Variants in NCOR1 observed in about 807,000 individuals in gnomAD.
NCOR1 encodes protein phosphatase 1, regulatory subunit 109.
In NCOR1, 63 loss-of-function variants were observed where a neutral mutation model predicts 288.1. The observed-to-expected ratio is 0.22, with a 90% confidence interval of 0.18 to 0.27. The LOEUF (loss-of-function observed/expected upper bound fraction) is 0.27. Among genes scored for constraint, NCOR1 ranks in the 10% least tolerant of loss-of-function variants. The probability of loss-of-function intolerance (pLI) is 1.00; values close to 1 mark genes in which losing one functional copy is unlikely to be tolerated. For missense variants in NCOR1, 2,397 were observed against 3,019.2 expected, an observed-to-expected ratio of 0.79 and a Z score of 4.83; for synonymous variants, 1,007 against 1,065.9, an observed-to-expected ratio of 0.94 and a Z score of 1.08.
At position 16,127,411 on chromosome 17, in the gene NCOR1, GTATATATACATGTGTATATGTGTATGTA is replaced by G. The variant is rs2074591508; in HGVS notation, c.1510-1233_1510-1206del. The stretch of plus-strand genomic sequence containing the variant: ...TATATATACATGTGTATATGTGTAT[GTATATATACATGTGTATATGTGTATGTA>G]TATATGTGTATATGTATATATACGT... On this transcript the variant is annotated intron_variant, in intron 14 of 45. Transcript: ENST00000268712. Among the ~76,000 whole-genome samples, 7 of 92,216 alleles carry G rather than the reference GTATATATACATGTGTATATGTGTATGTA, an allele frequency of 7.6e-5. 2 individuals carry two copies. The highest frequency in any genetic ancestry group is 2.6e-4 in the African/African-American group (5 of 19,116). The allele number at this position is 92,216 out of a possible 152,430, so 60.5% of individuals were successfully genotyped here. A position where few individuals can be genotyped will look rare whatever the true frequency, so the allele number is the denominator to read the frequency against.
chr17:16,203,554 T>C (rs1340417078), intron 1 of NCOR1, among the ~76,000 whole-genome samples: 2 of 152,232 alleles, frequency 1.3e-5, no homozygotes, highest in African/African-American at 2.4e-5. Context: ...CAAGTTACTC[T>C]CAATCACATC....
chr17:16,186,771 G>A (rs933829285), intron 2 of NCOR1, 84 bp from the exon 3 acceptor site: 1 of 1,214,872 alleles, frequency 8.2e-7, no homozygotes, highest in Non-Finnish European at 1.2e-6. Flanking sequence ...AGGTAGTTAT[G>A]GGCCACTAAG....
At position 16,101,334 on chromosome 17, in the gene NCOR1, T is replaced by C; in HGVS notation, c.2606A>G (p.Gln869Arg). The part of the protein sequence containing the change: ...DLVVAQQINA[Q>R]RPEPQSDNDS... ...ATTGTCTGACTGGGGCTCGGGCCTT[T>C]GGGCATTTATTTGCTGAGCTACCAC... The change falls in exon 20 of 46, where the codon CAA becomes CGA. Residue 869 changes from glutamine to arginine, a missense_variant. Gln to Arg is a conservative substitution (Grantham distance 43, BLOSUM62 1). This residue lies in a region of NCOR1 where 1,872 missense variants were observed against 2,187.8 expected (regional missense o/e 0.86). Coordinates refer to ENST00000268712, the MANE Select transcript of NCOR1 (RefSeq NM_006311.4). 1.9e-6 allele frequency: 3 copies of C among 1,614,178 alleles called. No homozygotes were observed. Among genetic ancestry groups the C allele is most frequent in the Non-Finnish European group, 2.5e-6 (3 of 1,180,026 alleles).
intron 27 of NCOR1, among the ~76,000 whole-genome samples, chr17:16,074,509 CA>C: frequency 6.6e-6 from 1 of 152,176 alleles, no homozygotes; most frequent in South Asian, 2.1e-4. Context: ...TTCTTAACCC[CA>C]AAAACAAAAT....
chr17:16,071,562 G>A lies in NCOR1; in HGVS notation c.3999C>T (p.Thr1333=), dbSNP rs1465248807. The A allele has an allele frequency of 1.9e-6, 3 of 1,613,846 alleles. No homozygotes were observed. Among genetic ancestry groups the A allele is most frequent in the African/African-American group, 2.7e-5 (2 of 74,828 alleles). The change falls in exon 30 of 46, where the codon ACC becomes ACT. Residue 1333 remains threonine (T), a synonymous_variant. Coordinates refer to ENST00000268712, the MANE Select transcript of NCOR1 (RefSeq NM_006311.4). ...TGATGCCATCATATGGTTTTCCTTT[G>A]GTAATGGCACCTTCAAATGCTCGTA... ...PPIRAFEGAI[T]KGKPYDGITT...
chr17:16,177,686 A>T (rs1423833192), intron 3 of NCOR1, among the ~76,000 whole-genome samples: 1 of 152,170 alleles, frequency 6.6e-6, no homozygotes, highest in Non-Finnish European at 1.5e-5. Context: ...TACCAGCCAG[A>T]CATGTAGACC....
At chr17:16,050,511 C>A (rs1280972560) in intron 40 of NCOR1, among the ~76,000 whole-genome samples, 1 of 152,194 alleles carries the variant, frequency 6.6e-6, no homozygotes, top group South Asian at 2.1e-4. Flanking sequence ...GCGTGAGCCA[C>A]CACACCCGGC....
intron 1 of NCOR1, among the ~76,000 whole-genome samples, chr17:16,194,884 A>C (rs1367014613): frequency 6.6e-6 from 1 of 152,248 alleles, no homozygotes; most frequent in Non-Finnish European, 1.5e-5. Context: ...CAGTATATAA[A>C]AACAGCATAA....
At chr17:16,114,305 C>G (rs895600017) in intron 18 of NCOR1, among the ~76,000 whole-genome samples, 1 of 152,084 alleles carries the variant, frequency 6.6e-6, no homozygotes, top group Non-Finnish European at 1.5e-5. Flanking sequence ...CACATGGGAA[C>G]TGTGGGACCT....
intron 4 of NCOR1, among the ~76,000 whole-genome samples, chr17:16,167,336 A>G (rs1316397208): frequency 6.6e-6 from 1 of 152,148 alleles, no homozygotes; most frequent in Non-Finnish European, 1.5e-5. Context: ...AAACAGCCAG[A>G]TACCAATCCT....
chr17:16,046,212 G>A (rs766440776), intron 42 of NCOR1, among the ~76,000 whole-genome samples: 2 of 152,222 alleles, frequency 1.3e-5, no homozygotes, highest in Non-Finnish European at 2.9e-5. Flanking sequence ...AGCAAGCACA[G>A]ACGGACTTGG....
chr17:16,045,733 T>C (rs1396120541), intron 42 of NCOR1, among the ~76,000 whole-genome samples: 1 of 152,186 alleles, frequency 6.6e-6, no homozygotes, highest in East Asian at 1.9e-4. Flanking sequence ...CTCAAACTCT[T>C]GATCTCAGGT....
Position 16,080,650 on chromosome 17 carries a change from A to T in NCOR1, c.3255T>A (p.Ser1085=). ...TQETPKPSVG[S]ISLGLPRQQE... Reference sequence around the variant, plus strand: ...GTTGCCGTGGCAGTCCAAGAGAGATAGATCCCACTGACGGCTTGGGTGTTT... The same window carrying T: ...GTTGCCGTGGCAGTCCAAGAGAGATTGATCCCACTGACGGCTTGGGTGTTT... Residue 1085 remains serine, a synonymous_variant, in exon 24 of 46, where the codon TCT becomes TCA. Transcript: ENST00000268712. 1.9e-6 allele frequency: 3 copies of T among 1,614,188 alleles called. No individual in the cohort carries two copies. Among genetic ancestry groups the T allele is most frequent in the Non-Finnish European group, 2.5e-6 (3 of 1,180,022 alleles).
chr17:16,049,022 C>T, intron 40 of NCOR1, 34 bp from the exon 41 acceptor site: 1 of 1,554,386 alleles, frequency 6.4e-7, no homozygotes, highest in Non-Finnish European at 8.8e-7. Flanking sequence ...GATTGTGTTT[C>T]AAAGGCTAAC....
At chr17:16,062,334 A>G (rs1382213602) in intron 35 of NCOR1, 64 bp from the exon 36 acceptor site, 1 of 1,469,234 alleles carries the variant, frequency 6.8e-7, no homozygotes, top group Admixed American at 2.6e-5. Flanking sequence ...AAAAGGAAGC[A>G]ATGCTTATGG....
chr17:16,073,831 A>G (rs1206753133), intron 27 of NCOR1, among the ~76,000 whole-genome samples: 2 of 152,216 alleles, frequency 1.3e-5, no homozygotes, highest in Admixed American at 6.5e-5. Context: ...AACTTACACA[A>G]TAATGTAGGT....
chr17:16,080,795 CAA>C, intron 23 of NCOR1, 68 bp from the exon 24 acceptor site: 1 of 1,402,740 alleles, frequency 7.1e-7, no homozygotes, highest in Non-Finnish European at 9.7e-7. Context: ...GTCAATTTCA[CAA>C]AGTCAGCATT....
chr17:16,181,222 TG>T (rs2041975038), intron 3 of NCOR1, among the ~76,000 whole-genome samples: 2 of 143,668 alleles, frequency 1.4e-5, no homozygotes, highest in African/African-American at 5.2e-5. Flanking sequence ...TGTGTGTGTG[TG>T]TGTGTGTGTG....
At chr17:16,048,702 G>A (rs1222089771) in intron 41 of NCOR1, 143 bp downstream of exon 41, 1 of 791,876 alleles carries the variant, frequency 1.3e-6, no homozygotes, top group Non-Finnish European at 1.8e-6. Flanking sequence ...TAGATGAGTA[G>A]GAAAAGAGAC....
Sources: allele counts gnomAD v4.1 joint callset (sites outside exome capture counted in the v4.1 genomes callset), GRCh38; gene constraint gnomAD v4.1.1; regional missense constraint gnomAD v4.1.1; transcripts MANE v1.5; gene names NCBI Gene and HGNC (gene_info 2026-07-23, HGNC 2026-07-21).